The following PCTP variants were observed in gnomAD, a reference collection of about 807,000 sequenced individuals.
PCTP encodes phosphatidylcholine transfer protein.
A neutral mutation model predicts 31.0 loss-of-function variants in PCTP; 27 were observed. That is an observed-to-expected ratio of 0.87 (90% CI 0.64 to 1.20). The LOEUF (loss-of-function observed/expected upper bound fraction) is 1.20. Ranked by LOEUF, PCTP falls within the 50% of genes most tolerant of loss-of-function variation. The pLI is 0.00. For synonymous variants in PCTP, 108 were observed against 101.2 expected, an observed-to-expected ratio of 1.07 and a Z score of -0.40; for missense variants, 287 against 268.2, an observed-to-expected ratio of 1.07 and a Z score of -0.49.
chr17:55,789,196 C>T (rs1306556601), intron 3 of PCTP, among the ~76,000 whole-genome samples: 1 of 152,178 alleles, frequency 6.6e-6, no homozygotes, highest in African/African-American at 2.4e-5. Context: ...CACACATCAC[C>T]ATTATTTCCT....
At chr17:55,823,424 A>T (rs1308599726), downstream of PCTP, among the ~76,000 whole-genome samples, 1 of 152,248 alleles carries the variant, frequency 6.6e-6, no homozygotes, top group African/African-American at 2.4e-5. Context: ...CAAATGACTA[A>T]AAAGTAGCGA....
At chr17:55,812,767 C>A (rs1371829763) in intron 3 of PCTP, among the ~76,000 whole-genome samples, 1 of 152,192 alleles carries the variant, frequency 6.6e-6, no homozygotes, top group Non-Finnish European at 1.5e-5. Flanking sequence ...GTCATTTAGT[C>A]CTTTTCACCC....
intron 1 of PCTP, among the ~76,000 whole-genome samples, chr17:55,760,430 T>C (rs1910276991): frequency 6.6e-6 from 1 of 152,216 alleles, no homozygotes; most frequent in South Asian, 2.1e-4. Flanking sequence ...GATTATCTAG[T>C]TTAATCCTCA....
chr17:55,846,249 G>A (rs1260865047), downstream of PCTP, among the ~76,000 whole-genome samples: 2 of 152,054 alleles, frequency 1.3e-5, no homozygotes, highest in Non-Finnish European at 2.9e-5. Flanking sequence ...CAGATATCCT[G>A]CTCAATTCAC....
chr17:55,831,090 G>A (rs899854622), intron 5 of PCTP, among the ~76,000 whole-genome samples: 3 of 152,086 alleles, frequency 2.0e-5, no homozygotes, highest in Admixed American at 6.5e-5. Context: ...AATCGATTAC[G>A]GGCTGTCCAA....
rs554515286 is a variant in PCTP at position 55,768,105 on chromosome 17, A to G, written c.259+653A>G. On this transcript the variant is annotated intron_variant, in intron 2 of 5. Transcript: ENST00000268896. ...TGTCTCAAAAAAAAAAAAAAGTCTA[A>G]TCTATTTTTATTTATTCTTGCCAGT... Among the ~76,000 whole-genome samples the G allele has an allele frequency of 1.2e-4, 18 of 151,730 alleles. No homozygotes were observed. In the South Asian group the frequency reaches 3.3e-3, roughly 28 times the overall value.
chr17:55,840,702 C>A (rs1905951466), intron 5 of PCTP, among the ~76,000 whole-genome samples: 1 of 152,088 alleles, frequency 6.6e-6, no homozygotes, highest in South Asian at 2.1e-4. Context: ...CTTACTGTGC[C>A]TAATTTATAA....
intron 5 of PCTP, among the ~76,000 whole-genome samples, chr17:55,838,594 T>A (rs1229468443): frequency 1.3e-5 from 2 of 152,196 alleles, no homozygotes; most frequent in South Asian, 2.1e-4. Context: ...TTTTTGCTCA[T>A]CATTATAGCC....
In PCTP at chr17:55,771,105, G is replaced by T. The variant is rs1910973282; in HGVS notation, c.260-1G>T. On this transcript the variant is annotated splice_acceptor_variant, in intron 2 of 5. Transcript: ENST00000268896. LOFTEE classifies it high-confidence loss of function. ...CATTAACTTCTTTTGCTTTCCTTTA[G>T]AACTCTATGAACAAGAATGCAACGG... The T allele has an allele frequency of 6.2e-7, 1 of 1,611,704 alleles. No individual in the cohort carries two copies. The highest frequency in any genetic ancestry group is 1.1e-5 in the South Asian group (1 of 91,008).
At chr17:55,814,971 C>A (rs1231299198) in intron 3 of PCTP, among the ~76,000 whole-genome samples, 1 of 152,060 alleles carries the variant, frequency 6.6e-6, no homozygotes, top group Non-Finnish European at 1.5e-5. Flanking sequence ...ACTCAGAAAC[C>A]AAGAACAGTG....
At chr17:55,781,774 A>C (rs191020703), downstream of PCTP, among the ~76,000 whole-genome samples, 79 of 152,294 alleles carry the variant, frequency 5.2e-4, no homozygotes, top group Middle Eastern at 0.01. Flanking sequence ...GCCTAGGAAA[A>C]CGGGTTACTC....
chr17:55,852,604 T>A, the PCTP span, among the ~76,000 whole-genome samples: 2 of 152,240 alleles, frequency 1.3e-5, no homozygotes, highest in Non-Finnish European at 2.9e-5. Flanking sequence ...CACTCATTCC[T>A]AGTGTTTTTA....
At chr17:55,841,072 T>C (rs1905966477) in intron 5 of PCTP, among the ~76,000 whole-genome samples, 1 of 152,214 alleles carries the variant, frequency 6.6e-6, no homozygotes, top group Non-Finnish European at 1.5e-5. Flanking sequence ...CTGTAATTGA[T>C]ACGTATGTGT....
At chr17:55,821,447 G>C (rs1161060327) in intron 3 of PCTP, among the ~76,000 whole-genome samples, 1 of 152,206 alleles carries the variant, frequency 6.6e-6, no homozygotes, top group South Asian at 2.1e-4. Flanking sequence ...TTGTAATGAT[G>C]GTTGTACAAC....
chr17:55,751,311 G>T (rs1909693531), intron 1 of PCTP, 67 bp downstream of exon 1: 5 of 1,514,578 alleles, frequency 3.3e-6, no homozygotes, highest in Non-Finnish European at 4.4e-6. Context: ...CCCGCAGGGA[G>T]TGCGGGGCGG....
chr17:55,837,062 G>A (rs1448637771), intron 5 of PCTP, among the ~76,000 whole-genome samples: 1 of 148,800 alleles, frequency 6.7e-6, no homozygotes, highest in Non-Finnish European at 1.5e-5. Context: ...TTTGATCATA[G>A]ATATGGTAGT....
At chr17:55,778,237 G>C (rs867244512), downstream of PCTP, among the ~76,000 whole-genome samples, 4 of 151,502 alleles carry the variant, frequency 2.6e-5, no homozygotes, top group African/African-American at 9.7e-5. Flanking sequence ...AATAGAACTG[G>C]TGGTTTAGGC....
chr17:55,751,157 C>G lies in PCTP; in HGVS notation c.54C>G (p.Ala18=), dbSNP rs1025243598. The change falls in exon 1 of 6, where the codon GCC becomes GCG. Residue 18 remains alanine, a synonymous_variant. Coordinates refer to ENST00000268896, the MANE Select transcript of PCTP (RefSeq NM_021213.4). ...AGGAGCAGTTCTGGGAGGCCTGCGC[C>G]GAGCTCCAGCAGCCCGCTCTGGCCG... ...FSEEQFWEAC[A]ELQQPALAGA... The G allele has an allele frequency of 3.9e-6, 6 of 1,548,122 alleles. No homozygotes were observed. In the African/African-American group the frequency reaches 4.1e-5, roughly 11 times the overall value.
chr17:55,819,828 T>C (rs80250952), intron 3 of PCTP, among the ~76,000 whole-genome samples: 4,085 of 152,168 alleles, frequency 0.027, 184 homozygotes, highest in African/African-American at 0.094. Flanking sequence ...GATATATAAA[T>C]CAATAGAATA....
Sources: allele counts gnomAD v4.1 joint callset (sites outside exome capture counted in the v4.1 genomes callset), GRCh38; gene constraint gnomAD v4.1.1; transcripts MANE v1.5; gene names NCBI Gene and HGNC (gene_info 2026-07-23, HGNC 2026-07-21).